NOB1: variants seen among roughly 807,000 people sequenced by gnomAD.
NOB1 encodes NIN1 (RPN12) binding protein 1 homolog.
NOB1 carries 44 observed loss-of-function variants against 44.8 expected under a neutral mutation model. That is an observed-to-expected ratio of 0.98 (90% CI 0.77 to 1.26). The LOEUF is 1.26. NOB1 is among the 50% of genes most tolerant of loss of function. NOB1 has a pLI of 0.00. For missense variants in NOB1, 560 were observed against 544.8 expected (o/e 1.03, Z -0.28); for synonymous variants, 238 against 218.7 (o/e 1.09, Z -0.78).
At chr16:69,754,048 G>A (rs1177530042) in intron 2 of NOB1, among the ~76,000 whole-genome samples, 4 of 152,066 alleles carry the variant, frequency 2.6e-5, no homozygotes, top group East Asian at 1.9e-4. Context: ...CAGGTGATGC[G>A]CCCGCCTCGG....
chr16:69,746,257 C>G (rs574004804), intron 7 of NOB1, among the ~76,000 whole-genome samples: 1 of 152,376 alleles, frequency 6.6e-6, no homozygotes, highest in East Asian at 1.9e-4. Context: ...TCATCGGCCT[C>G]TACAACAAGG....
At chr16:69,744,228 G>A (rs917908316) in intron 8 of NOB1, among the ~76,000 whole-genome samples, 3 of 152,192 alleles carry the variant, frequency 2.0e-5, no homozygotes, top group African/African-American at 7.2e-5. Context: ...GGCTGAGGCA[G>A]GAGAATCGCT....
Position 69,744,838 on chromosome 16 carries a change from G to A in NOB1, c.969+35C>T, listed in dbSNP as rs748035004. 1.8e-5 allele frequency: 29 copies of A among 1,604,368 alleles called. No homozygotes were observed. The East Asian group carries it at 6.3e-4, about 35-fold the overall frequency. On this transcript the variant is annotated intron_variant, in intron 8 of 8. Transcript: ENST00000268802. ...TGTCCTTTCTGTTCTTTTTCACTCT[G>A]GTGTTGGGAGGGGACTGGGAGAGGC...
At chr16:69,744,554 C>A (rs1205282982) in intron 8 of NOB1, among the ~76,000 whole-genome samples, 1 of 152,176 alleles carries the variant, frequency 6.6e-6, no homozygotes, top group East Asian at 1.9e-4. Flanking sequence ...GTGCTTTCCA[C>A]ACCCGTTCCT....
At chr16:69,748,354 A>G in intron 6 of NOB1, 25 bp from the exon 7 acceptor site, 1 of 1,587,932 alleles carries the variant, frequency 6.3e-7, no homozygotes, top group Non-Finnish European at 8.6e-7. Context: ...TAAAGAAGAA[A>G]TCAATTTTCT....
At chr16:69,752,892 G>A (rs910651331) in intron 2 of NOB1, among the ~76,000 whole-genome samples, 24 of 152,138 alleles carry the variant, frequency 1.6e-4, no homozygotes, top group African/African-American at 4.6e-4. Flanking sequence ...TCAAGATTGC[G>A]CCACTGCACT....
Position 69,742,698 on chromosome 16 carries a change from G to A in NOB1, c.970-97C>T, listed in dbSNP as rs2151752236. On this transcript the variant is annotated intron_variant, in intron 8 of 8. Coordinates refer to ENST00000268802, the MANE Select transcript of NOB1 (RefSeq NM_014062.3). Reference sequence around the variant, plus strand: ...TGCAGCCGACCTTGCAGATCCTGGTGCAGGCAGATGACAGCGGGTGGTAAT... The same window carrying A: ...TGCAGCCGACCTTGCAGATCCTGGTACAGGCAGATGACAGCGGGTGGTAAT... 6 of 1,277,294 alleles carry A rather than the reference G, an allele frequency of 4.7e-6. No homozygotes were observed. In the South Asian group the frequency reaches 7.9e-5, roughly 17 times the overall value. 79.1% of individuals were successfully genotyped at this position (1,277,294 alleles called of 1,614,324 possible).
rs568858766 is a variant in NOB1 at position 69,749,922 on chromosome 16, G to A, written c.328-292C>T. ...GAAACCGGGAGGCGGAGGTTGCAGTGGGCTGAGATCACGCCACTGCACTCC... is the reference window on the plus strand; with the variant it reads ...GAAACCGGGAGGCGGAGGTTGCAGTAGGCTGAGATCACGCCACTGCACTCC... On this transcript the variant is annotated intron_variant, in intron 3 of 8. Coordinates refer to ENST00000268802, the MANE Select transcript of NOB1 (RefSeq NM_014062.3). Among the ~76,000 whole-genome samples, 3 of 151,168 alleles carry A rather than the reference G, an allele frequency of 2.0e-5. No individual in the cohort carries two copies. In the East Asian group the frequency reaches 5.8e-4, roughly 29 times the overall value.
At position 69,752,386 on chromosome 16, in the gene NOB1, T is replaced by A. The variant is rs764490418; in HGVS notation, c.197-15A>T. 41 of 1,605,960 alleles carry A rather than the reference T, an allele frequency of 2.6e-5. No homozygotes were observed. The South Asian group carries it at 4.5e-4, about 18-fold the overall frequency. Reference sequence around the variant, plus strand: ...AAACTCAGTCACTGTAAACAACAGATTTACATCTTCAGTTAGAGGTAAAAA... The same window carrying A: ...AAACTCAGTCACTGTAAACAACAGAATTACATCTTCAGTTAGAGGTAAAAA... On this transcript the variant is annotated splice_polypyrimidine_tract_variant and intron_variant, in intron 2 of 8. Transcript: ENST00000268802.
At chr16:69,744,799 A>G in intron 8 of NOB1, 74 bp downstream of exon 8, 2 of 1,529,418 alleles carry the variant, frequency 1.3e-6, no homozygotes, top group Non-Finnish European at 1.8e-6. Flanking sequence ...AAACGACTAG[A>G]CTAGGTTTTC....
intron 4 of NOB1, 100 bp downstream of exon 4, chr16:69,749,459 T>C (rs2038463836): frequency 1.5e-5 from 23 of 1,530,966 alleles, no homozygotes; most frequent in Middle Eastern, 3.4e-4. Flanking sequence ...AACTATGTTA[T>C]TGGTCCGCGT....
chr16:69,752,191 T>C (rs753367272), intron 3 of NOB1, 50 bp downstream of exon 3: 2 of 1,573,130 alleles, frequency 1.3e-6, no homozygotes, highest in African/African-American at 1.4e-5. Context: ...TTTGTATACC[T>C]GACAGTTCCC....
At chr16:69,753,108 G>A (rs1321349260) in intron 2 of NOB1, among the ~76,000 whole-genome samples, 1 of 152,080 alleles carries the variant, frequency 6.6e-6, no homozygotes, top group South Asian at 2.1e-4. Context: ...TGTAGTCCCA[G>A]CTACTGGGGA....
rs1029428798 is a variant in NOB1, at chr16:69,747,845, T to C, written c.824+387A>G. Among the ~76,000 whole-genome samples the C allele has an allele frequency of 4.6e-5, 7 of 152,112 alleles. No individual in the cohort carries two copies. The East Asian group carries it at 9.7e-4, about 21-fold the overall frequency. On this transcript the variant is annotated intron_variant, in intron 7 of 8. Coordinates refer to ENST00000268802, the MANE Select transcript of NOB1 (RefSeq NM_014062.3). ...AACACACATAATGTAGGGTTCTCTTTAAACAAGTCTGTAGAAGAAACAGGA... is the reference window on the plus strand; with the variant it reads ...AACACACATAATGTAGGGTTCTCTTCAAACAAGTCTGTAGAAGAAACAGGA...
rs1373705721 is a variant in NOB1, at chr16:69,754,926, G to C, written c.-16C>G. Reference sequence around the variant, plus strand: ...CTGGAGCCATGTTGGCTGCGTGAGAGGGGAGCGCGCATGCGCACGGAGCTT... The same window carrying C: ...CTGGAGCCATGTTGGCTGCGTGAGACGGGAGCGCGCATGCGCACGGAGCTT... On this transcript the variant is annotated 5_prime_UTR_variant, in exon 1 of 9. Coordinates refer to ENST00000268802, the MANE Select transcript of NOB1 (RefSeq NM_014062.3). The C allele has an allele frequency of 3.8e-6, 6 of 1,567,532 alleles. No individual in the cohort carries two copies. The highest frequency in any genetic ancestry group is 2.7e-5 in the African/African-American group (2 of 74,072).
intron 7 of NOB1, among the ~76,000 whole-genome samples, chr16:69,745,518 C>G (rs1158888564): frequency 6.6e-6 from 1 of 152,190 alleles, no homozygotes; most frequent in Non-Finnish European, 1.5e-5. Context: ...CAAATGTCAG[C>G]CTGGGTGTTA....
At position 69,742,756 on chromosome 16, in the gene NOB1, C is replaced by T. The variant is rs117125396; in HGVS notation, c.970-155G>A. On this transcript the variant is annotated intron_variant, in intron 8 of 8. Transcript: ENST00000268802. ...CTACCATGTGCTACGTGTGACATGCCGCCGCCTCCCACCTGATTCCCACCT... is the reference window on the plus strand; with the variant it reads ...CTACCATGTGCTACGTGTGACATGCTGCCGCCTCCCACCTGATTCCCACCT... Among the ~76,000 whole-genome samples the T allele has an allele frequency of 7.5e-4, 114 of 152,196 alleles. 1 individual carries two copies. In the East Asian group the frequency reaches 0.017, roughly 23 times the overall value.
At chr16:69,748,843 G>T in intron 6 of NOB1, 75 bp downstream of exon 6, 2 of 1,304,202 alleles carry the variant, frequency 1.5e-6, no homozygotes, top group Non-Finnish European at 2.1e-6. Flanking sequence ...CACCAGTTCC[G>T]TGTACATCTG....
Position 69,744,930 on chromosome 16 carries a change from G to C in NOB1, c.912C>G (p.Gly304=). 2 of 1,614,166 alleles carry C rather than the reference G, an allele frequency of 1.2e-6. No homozygotes were observed. Among genetic ancestry groups the C allele is most frequent in the Non-Finnish European group, 1.7e-6 (2 of 1,180,022 alleles). Residue 304 remains glycine, a synonymous_variant, in exon 8 of 9, where the codon GGC becomes GGG. Transcript: ENST00000268802. ...KKVSVTVSDD[G]TLHMHFSRNP... ...TGCGGGAGAAGTGCATGTGCAGGGT[G>C]CCGTCGTCGCTGACGGTCACGGACA...
Sources: allele counts gnomAD v4.1 joint callset (sites outside exome capture counted in the v4.1 genomes callset), GRCh38; gene constraint gnomAD v4.1.1; transcripts MANE v1.5; gene names NCBI Gene and HGNC (gene_info 2026-07-23, HGNC 2026-07-21).